The following TAS2R1 variants were observed in gnomAD, a reference collection of about 807,000 sequenced individuals.
The protein encoded by TAS2R1 is taste receptor type 2 member 1.
For missense variants in TAS2R1, 370 were observed against 353.4 expected, an observed-to-expected ratio of 1.05 and a Z score of -0.38; for synonymous variants, 141 against 134.2, an observed-to-expected ratio of 1.05 and a Z score of -0.35.
chr5:9,737,420 C>T, the TAS2R1 span, among the ~76,000 whole-genome samples: 1 of 152,218 alleles, frequency 6.6e-6, no homozygotes, highest in African/African-American at 2.4e-5. Context: ...TCAATTATAA[C>T]AATGTCATAA....
At chr5:9,824,916 A>G in the TAS2R1 span, among the ~76,000 whole-genome samples, 1 of 151,536 alleles carries the variant, frequency 6.6e-6, no homozygotes, top group African/African-American at 2.4e-5. Context: ...TATCTATCCC[A>G]CCTGGAGTTA....
chr5:9,849,443 T>A, the TAS2R1 span, among the ~76,000 whole-genome samples: 1 of 152,188 alleles, frequency 6.6e-6, no homozygotes, highest in African/African-American at 2.4e-5. Context: ...TAAGTCAATT[T>A]TACAAATGAA....
At chr5:9,792,397 G>C in the TAS2R1 span, among the ~76,000 whole-genome samples, 1 of 152,074 alleles carries the variant, frequency 6.6e-6, no homozygotes, top group Non-Finnish European at 1.5e-5. Flanking sequence ...TATAAACCTG[G>C]GATTGATGAC....
At chr5:9,792,182 C>G in the TAS2R1 span, among the ~76,000 whole-genome samples, 1 of 152,116 alleles carries the variant, frequency 6.6e-6, no homozygotes, top group African/African-American at 2.4e-5. Context: ...CTTGAATAAC[C>G]CACCTATGCT....
chr5:9,678,893 G>A (rs1579780350), intron 1 of TAS2R1, among the ~76,000 whole-genome samples: 1 of 152,076 alleles, frequency 6.6e-6, no homozygotes, highest in Non-Finnish European at 1.5e-5. Flanking sequence ...GTTTACCTAT[G>A]TAACAAACTT....
At chr5:9,877,470 C>T in the TAS2R1 span, among the ~76,000 whole-genome samples, 3 of 152,186 alleles carry the variant, frequency 2.0e-5, no homozygotes, top group Non-Finnish European at 4.4e-5. Context: ...TTCTCCCCTT[C>T]AATTCTTTAT....
At chr5:9,695,623 C>T (rs1274863048) in intron 1 of TAS2R1, among the ~76,000 whole-genome samples, 2 of 152,032 alleles carry the variant, frequency 1.3e-5, no homozygotes, top group Non-Finnish European at 2.9e-5. Flanking sequence ...AGTCCAGAGA[C>T]CCAAACTTGG....
Position 9,629,822 on chromosome 5 carries a change from A to C in TAS2R1, c.211T>G (p.Phe71Val). 1 of 1,613,824 alleles carries C rather than the reference A, an allele frequency of 6.2e-7. No individual in the cohort carries two copies. The highest frequency in any genetic ancestry group is 8.5e-7 in the Non-Finnish European group (1 of 1,179,834). Residue 71 changes from phenylalanine (F) to valine (V), a missense_variant, in exon 1 of 1, where the codon TTC (phenylalanine) becomes GTC (valine). Phe to Val is a conservative substitution (Grantham distance 50). Transcript: ENST00000382492. ...FIFYVNVIVIFFIEFIMCSAN... is the reference protein window; with the variant it reads ...FIFYVNVIVIVFIEFIMCSAN... ...GAACACATGATGAATTCTATGAAGA[A>C]GATAACAATCACATTAACGTAGAAG...
At chr5:9,642,339 T>A (rs922877896) in intron 2 of TAS2R1, among the ~76,000 whole-genome samples, 1 of 152,220 alleles carries the variant, frequency 6.6e-6, no homozygotes, top group African/African-American at 2.4e-5. Context: ...GTGCATGTAT[T>A]AACATTGTTG....
At chr5:9,641,185 G>A (rs1218110052) in intron 2 of TAS2R1, 1 of 152,122 alleles carries the variant, frequency 6.6e-6, no homozygotes, top group East Asian at 1.9e-4. Flanking sequence ...AAGAAATAAC[G>A]ATGTCCAATT....
the TAS2R1 span, among the ~76,000 whole-genome samples, chr5:9,887,549 C>T: frequency 6.6e-6 from 1 of 152,156 alleles, no homozygotes; most frequent in Non-Finnish European, 1.5e-5. Flanking sequence ...ACACGAGGCT[C>T]CTCCACCACC....
intron 1 of TAS2R1, among the ~76,000 whole-genome samples, chr5:9,709,789 G>A (rs535399528): frequency 9.8e-5 from 15 of 152,306 alleles, no homozygotes; most frequent in Admixed American, 2.0e-4. Context: ...TGAGAAGCTC[G>A]AAGCTGGAAA....
At chr5:9,680,177 A>C (rs1740965771) in intron 1 of TAS2R1, among the ~76,000 whole-genome samples, 1 of 152,260 alleles carries the variant, frequency 6.6e-6, no homozygotes, top group Non-Finnish European at 1.5e-5. Context: ...TGAAAAACAA[A>C]ATAATAAAAT....
chr5:9,872,753 A>G, the TAS2R1 span, among the ~76,000 whole-genome samples: 1 of 152,234 alleles, frequency 6.6e-6, no homozygotes, highest in Non-Finnish European at 1.5e-5. Context: ...ACATGAAGAA[A>G]TGATATTTTA....
the TAS2R1 span, among the ~76,000 whole-genome samples, chr5:9,796,719 TG>T: frequency 0.11 from 10,000 of 88,786 alleles, 546 homozygotes; most frequent in Middle Eastern, 0.16. Flanking sequence ...AGCTATTTTC[TG>T]GAAAAAAAAA....
the TAS2R1 span, among the ~76,000 whole-genome samples, chr5:9,895,251 A>T: frequency 6.6e-6 from 1 of 152,376 alleles, no homozygotes; most frequent in East Asian, 1.9e-4. Flanking sequence ...TGGAAAGCCA[A>T]CACATGAGGA....
chr5:9,835,041 C>T, the TAS2R1 span, among the ~76,000 whole-genome samples: 5 of 152,292 alleles, frequency 3.3e-5, no homozygotes, highest in East Asian at 7.7e-4. Flanking sequence ...TGTCTGCCGA[C>T]CCCTAGGGGC....
At chr5:9,783,886 G>A in the TAS2R1 span, among the ~76,000 whole-genome samples, 33 of 152,186 alleles carry the variant, frequency 2.2e-4, no homozygotes, top group African/African-American at 8.0e-4. Context: ...GGAGTGTCCA[G>A]AGGTCTTGAA....
chr5:9,813,219 A>G, the TAS2R1 span, among the ~76,000 whole-genome samples: 1 of 152,212 alleles, frequency 6.6e-6, no homozygotes, highest in South Asian at 2.1e-4. Flanking sequence ...CAAGTCAAGA[A>G]GAGAGGCTTG....
Sources: gnomAD v4.1 joint callset for allele counts (sites outside exome capture counted in the v4.1 genomes callset) on GRCh38, gnomAD v4.1.1 for gene constraint, MANE v1.5 for transcripts, NCBI Gene and HGNC (gene_info 2026-07-23, HGNC 2026-07-21) for gene names.